Variants in CYSLTR2 observed in about 807,000 individuals in gnomAD.
CYSLTR2 encodes G-protein coupled receptor GPCR21.
For missense variants in CYSLTR2, 398 were observed against 411.9 expected, an observed-to-expected ratio of 0.97 and a Z score of 0.29; for synonymous variants, 179 against 160.8, an observed-to-expected ratio of 1.11 and a Z score of -0.86.
At chr13:48,674,839 A>T (rs1456579370) in intron 1 of CYSLTR2, among the ~76,000 whole-genome samples, 1 of 151,866 alleles carries the variant, frequency 6.6e-6, no homozygotes, top group Non-Finnish European at 1.5e-5. Flanking sequence ...TGTTGATGTT[A>T]TTACTTTCTG....
At chr13:48,654,783 A>G (rs1952962989) in intron 1 of CYSLTR2, among the ~76,000 whole-genome samples, 1 of 152,164 alleles carries the variant, frequency 6.6e-6, no homozygotes, top group African/African-American at 2.4e-5. Flanking sequence ...CCCTAGAATA[A>G]CTGAAGCTTA....
rs935044061 is a variant in CYSLTR2 at position 48,694,662 on chromosome 13, A to G, written c.-103+1152A>G. ...ATCTTGTGAAACTCCATTTTTGTCAATCCTTCAGAGCCCAAGACCACCAGA... is the reference window on the plus strand; with the variant it reads ...ATCTTGTGAAACTCCATTTTTGTCAGTCCTTCAGAGCCCAAGACCACCAGA... On this transcript the variant is annotated intron_variant, in intron 3 of 4. Coordinates refer to ENST00000682523, the MANE Select transcript of CYSLTR2 (RefSeq NM_001308476.3). The G allele has an allele frequency of 9.4e-5, 14 of 149,688 alleles. No individual in the cohort carries two copies. In the Admixed American group the frequency reaches 9.5e-4, roughly 10 times the overall value. The allele number at this position is 149,688 out of a possible 1,614,324, so 9.3% of individuals were successfully genotyped here. A position where few individuals can be genotyped will look rare whatever the true frequency, so the allele number is the denominator to read the frequency against.
chr13:48,685,920 G>C (rs1953884138), intron 1 of CYSLTR2, among the ~76,000 whole-genome samples: 1 of 152,110 alleles, frequency 6.6e-6, no homozygotes, highest in Non-Finnish European at 1.5e-5. Flanking sequence ...GTTTTCTGTA[G>C]GACCTCATAG....
chr13:48,664,059 AT>A (rs1374347873), intron 1 of CYSLTR2, among the ~76,000 whole-genome samples: 2 of 151,924 alleles, frequency 1.3e-5, no homozygotes, highest in Non-Finnish European at 2.9e-5. Flanking sequence ...TTATCAAAAG[AT>A]TTTTCTGCAT....
At chr13:48,677,497 G>C (rs149675665) in intron 1 of CYSLTR2, among the ~76,000 whole-genome samples, 1 of 152,156 alleles carries the variant, frequency 6.6e-6, no homozygotes, top group East Asian at 1.9e-4. Flanking sequence ...GAGTGGGAAG[G>C]TTGAGAGTCA....
intron 4 of CYSLTR2, among the ~76,000 whole-genome samples, chr13:48,699,204 G>T (rs987155085): frequency 6.6e-6 from 1 of 152,082 alleles, no homozygotes; most frequent in Admixed American, 6.6e-5. Context: ...TCCACCCCAA[G>T]TCAACAGAAT....
chr13:48,699,469 A>G (rs1029068329), intron 4 of CYSLTR2, among the ~76,000 whole-genome samples: 6 of 152,236 alleles, frequency 3.9e-5, no homozygotes, highest in Non-Finnish European at 7.3e-5. Context: ...CTTTGAAACC[A>G]ATGAGAGCAA....
intron 2 of CYSLTR2, among the ~76,000 whole-genome samples, chr13:48,691,577 G>A (rs1255134060): frequency 6.6e-6 from 1 of 152,054 alleles, no homozygotes; most frequent in Non-Finnish European, 1.5e-5. Context: ...CAACTATGCT[G>A]TGACTACTAG....
chr13:48,703,725 G>C (rs1466311812), intron 4 of CYSLTR2, among the ~76,000 whole-genome samples: 1 of 152,016 alleles, frequency 6.6e-6, no homozygotes, highest in Admixed American at 6.6e-5. Flanking sequence ...TTTGGTATCA[G>C]GGTAATACTT....
chr13:48,700,540 A>G (rs892187302), intron 4 of CYSLTR2, among the ~76,000 whole-genome samples: 1 of 152,226 alleles, frequency 6.6e-6, no homozygotes, highest in Non-Finnish European at 1.5e-5. Context: ...GCTATTTATG[A>G]CAAACCCACA....
Position 48,707,428 on chromosome 13 carries a change from T to A in CYSLTR2, c.611T>A (p.Ile204Asn). The A allele has an allele frequency of 6.2e-7, 1 of 1,614,122 alleles. No homozygotes were observed. Among genetic ancestry groups the A allele is most frequent in the Non-Finnish European group, 8.5e-7 (1 of 1,180,028 alleles). Residue 204 changes from isoleucine to asparagine, a missense_variant, in exon 5 of 5, where the codon ATT becomes AAT. Transcript: ENST00000682523. Reference sequence around the variant, plus strand: ...GCTAAGCTGCAGACCATGAACTATATTGCCTTGGTGGTGGGCTGCCTGCTG... The same window carrying A: ...GCTAAGCTGCAGACCATGAACTATAATGCCTTGGTGGTGGGCTGCCTGCTG... ...KIAKLQTMNY[I>N]ALVVGCLLPF...
At chr13:48,673,269 C>T (rs937188540) in intron 1 of CYSLTR2, among the ~76,000 whole-genome samples, 11 of 152,048 alleles carry the variant, frequency 7.2e-5, no homozygotes, top group African/African-American at 2.4e-4. Flanking sequence ...TAAGAACTTG[C>T]TTTATGAATC....
Position 48,707,849 on chromosome 13 carries a change from A to AGT in CYSLTR2, c.1032_1033insGT (p.Arg345ValfsTer23). The stretch of plus-strand genomic sequence containing the variant: ...TTAGTGTGTGGTTGAGAAAGGAAAC[A>AGT]AGAGTATAAGGAGCTCTTAGATGAG... On this transcript the variant is annotated frameshift_variant, in exon 5 of 5. Transcript: ENST00000682523. LOFTEE classifies it high-confidence loss of function. 6.6e-7 allele frequency: 1 copy of AGT among 1,524,560 alleles called. No individual in the cohort carries two copies. The highest frequency in any genetic ancestry group is 8.8e-7 in the Non-Finnish European group (1 of 1,138,358). The allele number at this position is 1,524,560 out of a possible 1,614,324, so 94.4% of individuals were successfully genotyped here. A position where few individuals can be genotyped will look rare whatever the true frequency, so the allele number is the denominator to read the frequency against.
At chr13:48,706,789 T>C (rs1212030326) in intron 4 of CYSLTR2, 28 bp from the exon 5 acceptor site, 1 of 1,556,800 alleles carries the variant, frequency 6.4e-7, no homozygotes, top group Non-Finnish European at 8.7e-7. Flanking sequence ...ACAAAGTAAC[T>C]TTTTGTGTCT....
At chr13:48,683,923 T>TA (rs752079281) in intron 1 of CYSLTR2, among the ~76,000 whole-genome samples, 2 of 152,144 alleles carry the variant, frequency 1.3e-5, no homozygotes, top group African/African-American at 4.8e-5. Flanking sequence ...AGTCACTTTT[T>TA]AAAAAAATTA....
rs116213962 is a variant in CYSLTR2 at position 48,656,785 on chromosome 13, C to T, written c.-266+2768C>T. On this transcript the variant is annotated intron_variant, in intron 1 of 4. Transcript: ENST00000682523. ...GGCACTCTAGTTCCCCAAGGGTAAG[C>T]CTTTAAGATAAAAGCCTCACAAGGG... Among the ~76,000 whole-genome samples, 837 of 152,292 alleles carry T rather than the reference C, an allele frequency of 5.5e-3. 7 individuals are homozygous for T. The highest frequency in any genetic ancestry group is 0.019 in the African/African-American group (784 of 41,560).
rs141330787 is a variant in CYSLTR2, at chr13:48,679,246, C to T, written c.-265-11966C>T. The stretch of plus-strand genomic sequence containing the variant: ...TCTCCCCCAGAACCTTAAAAAAACT[C>T]CCCTCATTCCCCAAGGCTGGTGTGG... On this transcript the variant is annotated intron_variant, in intron 1 of 4. Transcript: ENST00000682523. Among the ~76,000 whole-genome samples, 255 of 152,230 alleles carry T rather than the reference C, an allele frequency of 1.7e-3. 1 individual carries two copies. Among genetic ancestry groups the T allele is most frequent in the African/African-American group, 5.5e-3 (230 of 41,540 alleles).
chr13:48,675,822 T>A (rs1953579367), intron 1 of CYSLTR2, among the ~76,000 whole-genome samples: 1 of 152,128 alleles, frequency 6.6e-6, no homozygotes, highest in South Asian at 2.1e-4. Flanking sequence ...GCAAAAACCA[T>A]GGAAAAAGCA....
chr13:48,679,278 C>A (rs1186446180), intron 1 of CYSLTR2, among the ~76,000 whole-genome samples: 1 of 152,158 alleles, frequency 6.6e-6, no homozygotes, highest in Non-Finnish European at 1.5e-5. Context: ...GTGGCCCCTC[C>A]CCTGCATTCT....
Sources: gnomAD v4.1 joint callset for allele counts (sites outside exome capture counted in the v4.1 genomes callset) on GRCh38, gnomAD v4.1.1 for gene constraint, MANE v1.5 for transcripts, NCBI Gene and HGNC (gene_info 2026-07-23, HGNC 2026-07-21) for gene names.